REEP1: variants seen among roughly 807,000 people sequenced by gnomAD.
REEP1 encodes the protein receptor expression-enhancing protein 1.
In REEP1, 22 loss-of-function variants were observed where a neutral mutation model predicts 40.3. The observed-to-expected ratio is 0.55, with a 90% CI of 0.39 to 0.78. The LOEUF (loss-of-function observed/expected upper bound fraction) is 0.78, where lower values mean the gene tolerates loss of function less well. REEP1 is among the 30% of genes least tolerant of loss of function. The pLI is 0.00. For synonymous variants in REEP1, 116 were observed against 139.2 expected (o/e 0.83, Z 1.17); for missense variants, 280 against 361.1 (o/e 0.78, Z 1.82).
At chr2:86,326,280 A>C (rs1238488781) in intron 1 of REEP1, among the ~76,000 whole-genome samples, 1 of 152,264 alleles carries the variant, frequency 6.6e-6, no homozygotes, top group Non-Finnish European at 1.5e-5. Flanking sequence ...TGAGCAGTAC[A>C]TCAATGAATA....
chr2:86,239,208 CAAAAAAAAAAAAAA>C (rs35714309), intron 5 of REEP1, among the ~76,000 whole-genome samples: 64 of 58,368 alleles, frequency 1.1e-3, no homozygotes, highest in African/African-American at 4.3e-3. Flanking sequence ...CCATCTAGAC[CAAAAAAAAAAAAAA>C]AAAAAAAAAA....
intron 5 of REEP1, among the ~76,000 whole-genome samples, chr2:86,238,084 G>C (rs553935549): frequency 6.6e-6 from 1 of 152,322 alleles, no homozygotes; most frequent in African/African-American, 2.4e-5. Flanking sequence ...TGGAGGCTGA[G>C]GCAGGAGAAT....
intron 1 of REEP1, among the ~76,000 whole-genome samples, chr2:86,315,538 C>T (rs1234703686): frequency 2.6e-5 from 4 of 152,212 alleles, no homozygotes; most frequent in African/African-American, 9.7e-5. Flanking sequence ...ACATCTGGCT[C>T]ACAGTGCCAG....
chr2:86,249,376 CGCCACT>C (rs1157165407), intron 5 of REEP1, among the ~76,000 whole-genome samples: 1 of 152,150 alleles, frequency 6.6e-6, no homozygotes, highest in African/African-American at 2.4e-5. Flanking sequence ...CCCACACACA[CGCCACT>C]GCTTTCCTCA....
chr2:86,314,398 G>C (rs1403755135), intron 1 of REEP1, among the ~76,000 whole-genome samples: 2 of 152,104 alleles, frequency 1.3e-5, no homozygotes, highest in Non-Finnish European at 2.9e-5. Flanking sequence ...TGCAGGGCTG[G>C]GCTGGCTCAG....
At position 86,217,130 on chromosome 2, in the gene REEP1, G is replaced by A. The variant is rs780746130; in HGVS notation, c.784-20C>T. On this transcript the variant is annotated intron_variant, in intron 8 of 8. Coordinates refer to ENST00000538924, the MANE Select transcript of REEP1 (RefSeq NM_001371279.1). ...CGGTGCCTGGTAGAGAAAACAGAAA[G>A]GTGTCCCTCAGTTTGGTGTAAATGT... 4.4e-6 allele frequency: 7 copies of A among 1,606,824 alleles called. No individual in the cohort carries two copies. Among genetic ancestry groups the A allele is most frequent in the Non-Finnish European group, 6.0e-6 (7 of 1,173,558 alleles).
intron 2 of REEP1, among the ~76,000 whole-genome samples, chr2:86,266,007 A>G (rs1329589532): frequency 1.3e-5 from 2 of 152,246 alleles, no homozygotes; most frequent in African/African-American, 4.8e-5. Context: ...AAGGTTCTGT[A>G]TACAATAAAA....
chr2:86,258,150 T>C (rs1014747884), intron 3 of REEP1, among the ~76,000 whole-genome samples: 1 of 152,232 alleles, frequency 6.6e-6, no homozygotes, highest in Non-Finnish European at 1.5e-5. Context: ...TTTCCTTTTA[T>C]TCTGTGAATT....
intron 2 of REEP1, among the ~76,000 whole-genome samples, chr2:86,266,025 C>A (rs573920290): frequency 1.3e-5 from 2 of 152,024 alleles, no homozygotes; most frequent in Non-Finnish European, 2.9e-5. Context: ...AAATACTACA[C>A]GTGAGGGAAT....
chr2:86,312,564 G>C (rs148218449), intron 1 of REEP1, among the ~76,000 whole-genome samples: 23 of 152,276 alleles, frequency 1.5e-4, no homozygotes, highest in Non-Finnish European at 2.9e-4. Context: ...TGAACAACAG[G>C]AGTTTGAGGC....
chr2:86,280,185 A>T (rs1677996791), intron 2 of REEP1: 1 of 375,058 alleles, frequency 2.7e-6, no homozygotes, highest in Non-Finnish European at 5.3e-6. Flanking sequence ...GTGTGAGTGC[A>T]GAGAAAGGCA....
At chr2:86,217,665 G>GTTTTTTTTTTT in intron 8 of REEP1, among the ~76,000 whole-genome samples, 2 of 38,142 alleles carry the variant, frequency 5.2e-5, no homozygotes, top group Non-Finnish European at 1.1e-4. Flanking sequence ...TGGGATTTCA[G>GTTTTTTTTTTT]ATTTTTTTTT....
intron 1 of REEP1, among the ~76,000 whole-genome samples, chr2:86,284,053 G>A (rs577379434): frequency 3.3e-5 from 5 of 152,266 alleles, no homozygotes; most frequent in East Asian, 1.9e-4. Context: ...AGAGGGTAGT[G>A]CCAAAGACAG....
At chr2:86,235,578 A>G (rs1675275067) in intron 5 of REEP1, among the ~76,000 whole-genome samples, 1 of 152,256 alleles carries the variant, frequency 6.6e-6, no homozygotes, top group Non-Finnish European at 1.5e-5. Context: ...GGAAAAGGTC[A>G]CTTCCTAAGC....
intron 2 of REEP1, among the ~76,000 whole-genome samples, chr2:86,271,243 G>T (rs1489246323): frequency 6.7e-6 from 1 of 150,350 alleles, no homozygotes; most frequent in East Asian, 2.0e-4. Flanking sequence ...GAACCAGGAA[G>T]CTCAGTGAAT....
At chr2:86,317,043 G>A (rs1680046641) in intron 1 of REEP1, among the ~76,000 whole-genome samples, 1 of 152,130 alleles carries the variant, frequency 6.6e-6, no homozygotes, top group Non-Finnish European at 1.5e-5. Context: ...CTGACCTCCT[G>A]ACAGGAGGCG....
chr2:86,258,429 C>T (rs1676685596), intron 3 of REEP1, among the ~76,000 whole-genome samples: 1 of 152,216 alleles, frequency 6.6e-6, no homozygotes, highest in Non-Finnish European at 1.5e-5. Flanking sequence ...AAAACATTTA[C>T]TATCTGGCCC....
Position 86,215,579 on chromosome 2 carries a change from C to G in REEP1, c.*1460G>C, listed in dbSNP as rs967923473. ...GTAACTGGGTTGTGACCACTGCATGCATTACACTGAAAGAAACACCAACTC... is the reference window on the plus strand; with the variant it reads ...GTAACTGGGTTGTGACCACTGCATGGATTACACTGAAAGAAACACCAACTC... On this transcript the variant is annotated 3_prime_UTR_variant, in exon 9 of 9. Transcript: ENST00000538924. 1 of 152,560 alleles carries G rather than the reference C, an allele frequency of 6.6e-6. No homozygotes were observed. Among genetic ancestry groups the G allele is most frequent in the African/African-American group, 2.4e-5 (1 of 41,418 alleles). 9.5% of individuals were successfully genotyped at this position (152,560 alleles called of 1,614,324 possible).
chr2:86,217,848 T>C (rs1269463802), intron 8 of REEP1, among the ~76,000 whole-genome samples: 1 of 152,050 alleles, frequency 6.6e-6, no homozygotes, highest in Non-Finnish European at 1.5e-5. Flanking sequence ...GGGCTCCACC[T>C]CATCTCTCCC....
Sources: allele counts gnomAD v4.1 joint callset (sites outside exome capture counted in the v4.1 genomes callset), GRCh38; gene constraint gnomAD v4.1.1; transcripts MANE v1.5; gene names NCBI Gene and HGNC (gene_info 2026-07-23, HGNC 2026-07-21).